Variants in ATP10B observed in about 807,000 individuals in gnomAD.
ATP10B encodes ATPase phospholipid transporting 10B (putative), also known as phospholipid-transporting ATPase VB.
In ATP10B, 122 loss-of-function variants were observed where a neutral mutation model predicts 141.2. The ratio of observed to expected loss-of-function variants is 0.86; its 90% CI spans 0.75 to 1.00. The LOEUF is 1.00. Ranked by LOEUF, ATP10B falls within the 50% of genes least tolerant of loss-of-function variation. ATP10B has a pLI of 0.00. For synonymous variants in ATP10B, 685 were observed against 692.0 expected (o/e 0.99, Z 0.16); for missense variants, 1,876 against 1,825.3 (o/e 1.03, Z -0.51).
At chr5:160,907,153 T>C in the ATP10B span, among the ~76,000 whole-genome samples, 4 of 152,306 alleles carry the variant, frequency 2.6e-5, no homozygotes, top group Non-Finnish European at 4.4e-5. Flanking sequence ...CATGGAGCCT[T>C]AGTTTCCTTT....
intron 13 of ATP10B, among the ~76,000 whole-genome samples, chr5:160,624,587 A>G (rs560977209): frequency 9.8e-5 from 15 of 152,344 alleles, no homozygotes; most frequent in African/African-American, 3.4e-4. Context: ...AAATCCTGAG[A>G]AGGGCACACA....
intron 24 of ATP10B, among the ~76,000 whole-genome samples, chr5:160,577,373 T>C (rs2127598558): frequency 6.6e-6 from 1 of 152,200 alleles, no homozygotes; most frequent in African/African-American, 2.4e-5. Context: ...GACAAAAGGC[T>C]TTTACCTCAT....
At chr5:160,900,480 C>T in the ATP10B span, among the ~76,000 whole-genome samples, 16 of 152,176 alleles carry the variant, frequency 1.1e-4, no homozygotes, top group African/African-American at 1.9e-4. Context: ...ATTGAACCTC[C>T]GTCCCCTCCA....
chr5:160,677,373 C>A (rs1763094724), intron 6 of ATP10B, among the ~76,000 whole-genome samples: 1 of 152,170 alleles, frequency 6.6e-6, no homozygotes, highest in African/African-American at 2.4e-5. Flanking sequence ...AAGTGTAGAG[C>A]AAAGGCCTGA....
intron 3 of ATP10B, among the ~76,000 whole-genome samples, chr5:160,714,924 C>A (rs961337303): frequency 7.0e-5 from 10 of 143,086 alleles, no homozygotes; most frequent in South Asian, 2.4e-4. Context: ...AGTTAGGCTG[C>A]TCGGGGGTCA....
At chr5:160,619,817 C>T (rs1405195292) in intron 15 of ATP10B, among the ~76,000 whole-genome samples, 1 of 152,168 alleles carries the variant, frequency 6.6e-6, no homozygotes, top group Admixed American at 6.5e-5. Context: ...TAAAGAGGAA[C>T]ACCTGAGGCT....
chr5:160,655,113 T>C (rs1476595120), intron 7 of ATP10B, among the ~76,000 whole-genome samples: 1 of 152,190 alleles, frequency 6.6e-6, no homozygotes, highest in Non-Finnish European at 1.5e-5. Flanking sequence ...AATGAATACA[T>C]TCTCTAATTT....
At chr5:160,892,027 G>A in the ATP10B span, among the ~76,000 whole-genome samples, 3 of 152,170 alleles carry the variant, frequency 2.0e-5, no homozygotes, top group African/African-American at 4.8e-5. Flanking sequence ...AAGCCAAGAC[G>A]CTATAGCAGA....
At chr5:160,927,158 A>C in the ATP10B span, among the ~76,000 whole-genome samples, 4 of 152,220 alleles carry the variant, frequency 2.6e-5, 1 homozygote, top group Admixed American at 1.3e-4. Context: ...CCCTGATTCC[A>C]AATGTAGGCC....
At position 160,644,170 on chromosome 5, in the gene ATP10B, G is replaced by A. The variant is rs748353572; in HGVS notation, c.836C>T (p.Thr279Ile). ...LLLRGCTIRN[T>I]EMAVGIVIYA... ...GATGACAATGCCAACAGCCATCTCG[G>A]TGTTTCTGATGGTGCAGCCTCGAAG... Residue 279 changes from threonine (T) to isoleucine (I), a missense_variant, in exon 9 of 26, where the codon ACC (threonine) becomes ATC (isoleucine). By Grantham distance (89) the Thr-to-Ile change is moderately conservative. Coordinates refer to ENST00000327245, the MANE Select transcript of ATP10B (RefSeq NM_025153.3). 1.9e-5 allele frequency: 31 copies of A among 1,613,904 alleles called. No individual in the cohort carries two copies. In the Middle Eastern group the frequency reaches 4.9e-4, roughly 26 times the overall value.
chr5:160,607,132 A>G lies in ATP10B; in HGVS notation c.2839-46T>C. The G allele has an allele frequency of 2.0e-6, 3 of 1,500,448 alleles. No individual in the cohort carries two copies. The Middle Eastern group carries it at 5.3e-4, about 263-fold the overall frequency. 92.9% of individuals were successfully genotyped at this position (1,500,448 alleles called of 1,614,324 possible). A position where few individuals can be genotyped will look rare whatever the true frequency, so the allele number is the denominator to read the frequency against. On this transcript the variant is annotated intron_variant, in intron 18 of 25. Coordinates refer to ENST00000327245, the MANE Select transcript of ATP10B (RefSeq NM_025153.3). Reference sequence around the variant, plus strand: ...ACAGTATTTGTAAGCAACCTTGGAAATGCATGTTAACAATTTCAGTTTATT... The same window carrying G: ...ACAGTATTTGTAAGCAACCTTGGAAGTGCATGTTAACAATTTCAGTTTATT...
At chr5:160,835,069 A>G (rs762510962) in intron 1 of ATP10B, among the ~76,000 whole-genome samples, 13 of 152,144 alleles carry the variant, frequency 8.5e-5, no homozygotes, top group Non-Finnish European at 1.9e-4. Context: ...AGTTCCTCTG[A>G]ACACATGCTC....
At chr5:160,758,789 A>G (rs906996493) in intron 2 of ATP10B, among the ~76,000 whole-genome samples, 3 of 152,202 alleles carry the variant, frequency 2.0e-5, no homozygotes, top group Non-Finnish European at 2.9e-5. Context: ...GATGGAGAGT[A>G]GAGAAAGAGA....
At chr5:160,765,854 G>C (rs774832058) in intron 2 of ATP10B, among the ~76,000 whole-genome samples, 2 of 151,672 alleles carry the variant, frequency 1.3e-5, no homozygotes. Flanking sequence ...GAACAAATCA[G>C]CAAGAAAAAA....
intron 7 of ATP10B, among the ~76,000 whole-genome samples, chr5:160,655,123 T>C (rs1295452244): frequency 6.6e-6 from 1 of 152,152 alleles, no homozygotes; most frequent in Non-Finnish European, 1.5e-5. Flanking sequence ...TTCTCTAATT[T>C]ATAGTAGAAA....
chr5:160,653,344 C>CGT lies in ATP10B; in HGVS notation c.676-4089_676-4088insAC, dbSNP rs1205149819. Among the ~76,000 whole-genome samples the CGT allele has an allele frequency of 1.9e-5, 2 of 104,150 alleles. 1 individual carries two copies. The highest frequency in any genetic ancestry group is 7.7e-5 in the African/African-American group (2 of 25,858). The allele number at this position is 104,150 out of a possible 152,430, so 68.3% of individuals were successfully genotyped here. A position where few individuals can be genotyped will look rare whatever the true frequency, so the allele number is the denominator to read the frequency against. ...GTATATATACATACGTACATACATACATAGGTAGTATATATACATACGTAC... is the reference window on the plus strand; with the variant it reads ...GTATATATACATACGTACATACATACGTATAGGTAGTATATATACATACGTAC... On this transcript the variant is annotated intron_variant, in intron 7 of 25. Transcript: ENST00000327245.
At chr5:160,615,306 G>T (rs953360876) in intron 17 of ATP10B, among the ~76,000 whole-genome samples, 3 of 151,860 alleles carry the variant, frequency 2.0e-5, no homozygotes, top group African/African-American at 7.3e-5. Context: ...TTCTCTTCTT[G>T]CTTTCAGTTC....
intron 13 of ATP10B, among the ~76,000 whole-genome samples, chr5:160,623,414 TACC>T (rs1758455226): frequency 6.6e-6 from 1 of 152,228 alleles, no homozygotes; most frequent in Admixed American, 6.5e-5. Flanking sequence ...TAGCAAGTCC[TACC>T]ACTATCTAAA....
intron 7 of ATP10B, among the ~76,000 whole-genome samples, chr5:160,649,563 G>C (rs1041442447): frequency 7.9e-5 from 12 of 152,208 alleles, no homozygotes; most frequent in Non-Finnish European, 1.8e-4. Flanking sequence ...GGAATGTTCT[G>C]AGTCTGCATT....
Sources: allele counts gnomAD v4.1 joint callset (sites outside exome capture counted in the v4.1 genomes callset), GRCh38; gene constraint gnomAD v4.1.1; transcripts MANE v1.5; gene names NCBI Gene and HGNC (gene_info 2026-07-23, HGNC 2026-07-21).